MBNL2: variants seen among roughly 807,000 people sequenced by gnomAD.
MBNL2 encodes muscleblind-like protein 2.
In MBNL2, 17 loss-of-function variants were observed where a neutral mutation model predicts 41.9. That is an observed-to-expected ratio of 0.41 (90% CI 0.28 to 0.61). MBNL2 has a LOEUF of 0.61. MBNL2 is among the 20% of genes least tolerant of loss of function. The pLI is 0.35. For synonymous variants in MBNL2, 195 were observed against 182.9 expected (o/e 1.07, Z -0.53); for missense variants, 336 against 505.6 (o/e 0.66, Z 3.22).
chr13:97,303,792 A>T (rs1358638668), intron 2 of MBNL2, among the ~76,000 whole-genome samples: 1 of 152,258 alleles, frequency 6.6e-6, no homozygotes, highest in Non-Finnish European at 1.5e-5. Flanking sequence ...TCTGAACCTT[A>T]GAAGAAAGTG....
the MBNL2 span, among the ~76,000 whole-genome samples, chr13:97,189,727 GTCT>G: frequency 6.6e-6 from 1 of 152,104 alleles, no homozygotes; most frequent in African/African-American, 2.4e-5. Context: ...ACATGTTTTG[GTCT>G]TCTTGGCTCA....
upstream of MBNL2, among the ~76,000 whole-genome samples, chr13:97,220,339 CA>C (rs532853947): frequency 2.0e-4 from 30 of 152,162 alleles, no homozygotes; most frequent in African/African-American, 7.2e-4. Context: ...GCGTCTGGTA[CA>C]ATAAACAATA....
At chr13:97,338,700 C>T (rs2061106347) in intron 3 of MBNL2, among the ~76,000 whole-genome samples, 1 of 152,120 alleles carries the variant, frequency 6.6e-6, no homozygotes, top group Non-Finnish European at 1.5e-5. Context: ...GTGTGAGCGA[C>T]CTTTAGGAGG....
intron 7 of MBNL2, among the ~76,000 whole-genome samples, chr13:97,359,675 C>T (rs2063253217): frequency 6.6e-6 from 1 of 152,144 alleles, no homozygotes; most frequent in African/African-American, 2.4e-5. Context: ...TTAAGAACAG[C>T]TTAAGTGTGT....
At chr13:97,270,542 A>G (rs2050736791) in intron 1 of MBNL2, among the ~76,000 whole-genome samples, 1 of 152,224 alleles carries the variant, frequency 6.6e-6, no homozygotes, top group Admixed American at 6.5e-5. Flanking sequence ...TTTTCCAATG[A>G]CTGAATCAAG....
the MBNL2 span, among the ~76,000 whole-genome samples, chr13:97,179,939 G>A: frequency 6.6e-5 from 10 of 152,290 alleles, no homozygotes; most frequent in South Asian, 1.9e-3. Flanking sequence ...TTGTCTTAAA[G>A]AGCAATAGAA....
chr13:97,162,197 A>G, the MBNL2 span, among the ~76,000 whole-genome samples: 2 of 152,112 alleles, frequency 1.3e-5, no homozygotes, highest in African/African-American at 2.4e-5. Flanking sequence ...CTAAGAGTCA[A>G]TCACCTCCCA....
rs776026950 is a variant in MBNL2 at position 97,366,536 on chromosome 13, A to G, written c.1048+1365A>G. 1.2e-6 allele frequency: 2 copies of G among 1,610,968 alleles called. No homozygotes were observed. The highest frequency in any genetic ancestry group is 1.7e-6 in the Non-Finnish European group (2 of 1,177,486). Reference sequence around the variant, plus strand: ...TGCAACAAGTGTCCCCTTCGCAGCAACAGCCACAGCCAATCAGGTTTGCTC... The same window carrying G: ...TGCAACAAGTGTCCCCTTCGCAGCAGCAGCCACAGCCAATCAGGTTTGCTC... On this transcript the variant is annotated intron_variant, in intron 8 of 8. Transcript: ENST00000679496. This position sits in a 1 kb window ranked among gnomAD's most constrained non-coding sequence, Gnocchi z 4.7.
At chr13:97,312,896 A>T (rs2058731578) in intron 2 of MBNL2, among the ~76,000 whole-genome samples, 1 of 152,214 alleles carries the variant, frequency 6.6e-6, no homozygotes, top group Non-Finnish European at 1.5e-5. Flanking sequence ...CTCACAGTAG[A>T]GTTTATAACT....
intron 2 of MBNL2, among the ~76,000 whole-genome samples, chr13:97,322,789 C>T (rs767306137): frequency 2.6e-5 from 4 of 152,088 alleles, no homozygotes; most frequent in Admixed American, 6.6e-5. Context: ...TTCCCAACTC[C>T]GACACCAGCA....
chr13:97,218,440 C>CAAACAACAAAA (rs1555302256), upstream of MBNL2, among the ~76,000 whole-genome samples: 1 of 117,974 alleles, frequency 8.5e-6, no homozygotes, highest in African/African-American at 3.4e-5. Context: ...CAAAACAAAA[C>CAAACAACAAAA]AAAAAAAAAA....
chr13:97,326,991 C>G (rs1013960195), intron 2 of MBNL2, among the ~76,000 whole-genome samples: 1 of 152,192 alleles, frequency 6.6e-6, no homozygotes, highest in African/African-American at 2.4e-5. Flanking sequence ...CTCACCCACT[C>G]TAACCACAGC....
the MBNL2 span, among the ~76,000 whole-genome samples, chr13:97,175,452 C>T: frequency 1.3e-5 from 2 of 152,198 alleles, no homozygotes; most frequent in Non-Finnish European, 2.9e-5. Flanking sequence ...GACTGACCCA[C>T]ACACCACCTG....
the MBNL2 span, among the ~76,000 whole-genome samples, chr13:97,171,680 G>C: frequency 6.6e-6 from 1 of 152,134 alleles, no homozygotes; most frequent in Non-Finnish European, 1.5e-5. Flanking sequence ...CAGTCAGCAA[G>C]TCAAACAGGA....
chr13:97,388,964 A>G (rs947021939), intron 8 of MBNL2, among the ~76,000 whole-genome samples: 10 of 152,328 alleles, frequency 6.6e-5, no homozygotes, highest in African/African-American at 1.7e-4. Context: ...CGTTTTTTAT[A>G]CCAAATGACA....
intron 3 of MBNL2, among the ~76,000 whole-genome samples, chr13:97,339,866 T>TGG (rs1333514307): frequency 1.4e-4 from 11 of 79,298 alleles, no homozygotes; most frequent in Middle Eastern, 5.9e-3. Context: ...AACTGATTTG[T>TGG]GTGTGGGCGG....
At chr13:97,201,042 T>C in the MBNL2 span, among the ~76,000 whole-genome samples, 1 of 151,948 alleles carries the variant, frequency 6.6e-6, no homozygotes, top group Non-Finnish European at 1.5e-5. Flanking sequence ...TTCCTCTATC[T>C]CTCTCACTCA....
At chr13:97,301,786 T>G (rs907823908) in intron 2 of MBNL2, among the ~76,000 whole-genome samples, 1 of 152,204 alleles carries the variant, frequency 6.6e-6, no homozygotes, top group Non-Finnish European at 1.5e-5. Flanking sequence ...CCAGCCTATA[T>G]TAGTTCGTCA....
chr13:97,335,068 G>A (rs981912323), intron 3 of MBNL2, among the ~76,000 whole-genome samples: 2 of 152,192 alleles, frequency 1.3e-5, no homozygotes, highest in African/African-American at 4.8e-5. Context: ...TGCAAAAGCT[G>A]TGACAGTTCT....
Sources: gnomAD v4.1 joint callset for allele counts (sites outside exome capture counted in the v4.1 genomes callset) on GRCh38, gnomAD v4.1.1 for gene constraint, Gnocchi (gnomAD v3.1) non-coding constraint, MANE v1.5 for transcripts, NCBI Gene and HGNC (gene_info 2026-07-23, HGNC 2026-07-21) for gene names.